Variants in RGS7 observed in about 807,000 individuals in gnomAD.
RGS7 encodes regulator of G-protein signaling 7.
RGS7 carries 27 observed loss-of-function variants against 81.1 expected under a neutral mutation model. That is an observed-to-expected ratio of 0.33 (90% CI 0.25 to 0.46). RGS7 has a LOEUF of 0.46. RGS7 is among the 20% of genes least tolerant of loss of function. The pLI is 1.00. For missense variants in RGS7, 396 were observed against 607.4 expected, an observed-to-expected ratio of 0.65 and a Z score of 3.66; for synonymous variants, 208 against 207.7, an observed-to-expected ratio of 1.00 and a Z score of -0.01.
chr1:240,958,576 C>A (rs1415454136), intron 4 of RGS7, among the ~76,000 whole-genome samples: 2 of 152,160 alleles, frequency 1.3e-5, no homozygotes. Flanking sequence ...TGCAGGACGA[C>A]TTTTATTCTT....
intron 2 of RGS7, among the ~76,000 whole-genome samples, chr1:241,283,453 A>G (rs943139678): frequency 6.6e-6 from 1 of 152,182 alleles, no homozygotes; most frequent in African/African-American, 2.4e-5. Context: ...TTTAGCACTT[A>G]AAAAATGTGT....
chr1:240,988,688 A>G (rs527356927), intron 3 of RGS7, among the ~76,000 whole-genome samples: 11 of 152,350 alleles, frequency 7.2e-5, no homozygotes, highest in South Asian at 6.2e-4. Context: ...CCAAAGGAGC[A>G]GGAGAGATGA....
intron 2 of RGS7, among the ~76,000 whole-genome samples, chr1:241,189,061 A>G (rs959982570): frequency 4.6e-5 from 7 of 152,068 alleles, no homozygotes; most frequent in African/African-American, 1.7e-4. Flanking sequence ...TGTGGTCTCA[A>G]ATTCCTGGGC....
At chr1:241,230,981 A>G (rs1052899466) in intron 2 of RGS7, among the ~76,000 whole-genome samples, 1 of 152,120 alleles carries the variant, frequency 6.6e-6, no homozygotes, top group East Asian at 1.9e-4. Context: ...ACCTCTGATC[A>G]TGATAACTCT....
At chr1:240,951,931 G>A (rs1268250824) in intron 4 of RGS7, among the ~76,000 whole-genome samples, 2 of 152,090 alleles carry the variant, frequency 1.3e-5, no homozygotes, top group Non-Finnish European at 2.9e-5. Flanking sequence ...ATGAATGACA[G>A]TGCGCTTCTC....
At chr1:240,908,977 A>G (rs918740637) in intron 6 of RGS7, among the ~76,000 whole-genome samples, 12 of 152,230 alleles carry the variant, frequency 7.9e-5, no homozygotes, top group Admixed American at 3.9e-4. Context: ...TTGCTTGTTA[A>G]TAAAATTTCC....
chr1:240,778,434 A>G (rs937884923), intron 18 of RGS7, among the ~76,000 whole-genome samples: 3 of 152,252 alleles, frequency 2.0e-5, no homozygotes, highest in African/African-American at 7.2e-5. Context: ...GCAGCAATGA[A>G]AATCATGCAC....
At chr1:241,056,355 C>T (rs1373667372) in intron 3 of RGS7, among the ~76,000 whole-genome samples, 1 of 152,208 alleles carries the variant, frequency 6.6e-6, no homozygotes, top group Non-Finnish European at 1.5e-5. Flanking sequence ...TCTTATCACC[C>T]TGTTTCAGCT....
chr1:241,095,725 T>C (rs1031673230), intron 3 of RGS7, among the ~76,000 whole-genome samples: 4 of 152,332 alleles, frequency 2.6e-5, no homozygotes, highest in African/African-American at 9.6e-5. Context: ...ATTTATCCTT[T>C]TTGAGTAATT....
intron 3 of RGS7, among the ~76,000 whole-genome samples, chr1:241,098,291 G>A (rs996913072): frequency 4.6e-5 from 7 of 152,152 alleles, no homozygotes; most frequent in African/African-American, 7.2e-5. Flanking sequence ...GCTCACCACT[G>A]CTCTGCAGAA....
At chr1:240,878,489 C>CTT (rs57896753) in intron 6 of RGS7, among the ~76,000 whole-genome samples, 2,455 of 117,504 alleles carry the variant, frequency 0.021, 34 homozygotes, top group South Asian at 0.032. Context: ...TTTTTTCTTT[C>CTT]TTTTTTTTTT....
intron 2 of RGS7, among the ~76,000 whole-genome samples, chr1:241,210,423 C>T (rs971090039): frequency 1.3e-5 from 2 of 152,180 alleles, no homozygotes; most frequent in African/African-American, 4.8e-5. Flanking sequence ...GCTGGGATTA[C>T]AGGCGTGAGC....
In RGS7 at chr1:241,184,047, G is replaced by A. The variant is rs143635509; in HGVS notation, c.79-85285C>T. Among the ~76,000 whole-genome samples, 522 of 152,258 alleles carry A rather than the reference G, an allele frequency of 3.4e-3. 3 individuals are homozygous for A. Among genetic ancestry groups the A allele is most frequent in the African/African-American group, 0.012 (480 of 41,536 alleles). On this transcript the variant is annotated intron_variant, in intron 2 of 18. Coordinates refer to ENST00000440928, the MANE Select transcript of RGS7 (RefSeq NM_001364886.1). ...ACCTGTGGATCCTGGAAGCAAAGGC[G>A]AGGCATTTTCATGCAACTTTGCACC...
chr1:241,265,690 G>GA (rs1020481463), intron 2 of RGS7, among the ~76,000 whole-genome samples: 3 of 150,414 alleles, frequency 2.0e-5, no homozygotes, highest in Admixed American at 1.3e-4. Flanking sequence ...TCAATCTAAG[G>GA]AAAAAAACAG....
intron 6 of RGS7, among the ~76,000 whole-genome samples, chr1:240,878,184 C>T (rs541816214): frequency 6.4e-4 from 98 of 152,302 alleles, no homozygotes; most frequent in Non-Finnish European, 1.3e-3. Flanking sequence ...TCCCCCTTCT[C>T]CACCAAGCCC....
chr1:241,265,422 G>A (rs1187315244), intron 2 of RGS7, among the ~76,000 whole-genome samples: 1 of 133,690 alleles, frequency 7.5e-6, no homozygotes, highest in East Asian at 2.3e-4. Flanking sequence ...CAAGGCAACA[G>A]AGAGACCAAG....
chr1:241,071,426 G>A (rs903568426), intron 3 of RGS7, among the ~76,000 whole-genome samples: 30 of 151,014 alleles, frequency 2.0e-4, no homozygotes, highest in Non-Finnish European at 4.0e-4. Flanking sequence ...CTGTTTTTAT[G>A]CCTTAGAGAA....
At chr1:241,004,886 G>A (rs1010410710) in intron 3 of RGS7, among the ~76,000 whole-genome samples, 12 of 152,246 alleles carry the variant, frequency 7.9e-5, no homozygotes, top group South Asian at 4.1e-4. Flanking sequence ...GACCCGCCTC[G>A]GGCCAGAGGG....
At chr1:240,904,238 C>A (rs261805) in intron 6 of RGS7, among the ~76,000 whole-genome samples, 99,772 of 151,948 alleles carry the variant, frequency 0.66, 33,164 homozygotes, top group African/African-American at 0.73. Context: ...AGATAATTAA[C>A]TATGTGAACT....
Sources: allele counts gnomAD v4.1 joint callset (sites outside exome capture counted in the v4.1 genomes callset), GRCh38; gene constraint gnomAD v4.1.1; transcripts MANE v1.5; gene names NCBI Gene and HGNC (gene_info 2026-07-23, HGNC 2026-07-21).